The following FXYD5 variants were observed in gnomAD, a reference collection of about 807,000 sequenced individuals.
FXYD5 encodes the protein FXYD domain-containing ion transport regulator 5.
A neutral mutation model predicts 25.7 loss-of-function variants in FXYD5; 21 were observed. That is an observed-to-expected ratio of 0.82 (90% CI 0.58 to 1.18). The LOEUF is 1.18. FXYD5 is among the 50% of genes most tolerant of loss of function. FXYD5 has a pLI of 0.00. For missense variants in FXYD5, 229 were observed against 227.7 expected, an observed-to-expected ratio of 1.01 and a Z score of -0.04; for synonymous variants, 101 against 90.7, an observed-to-expected ratio of 1.11 and a Z score of -0.64.
intron 4 of FXYD5, among the ~76,000 whole-genome samples, chr19:35,158,714 AC>A (rs2065379371): frequency 6.6e-6 from 1 of 151,736 alleles, no homozygotes; most frequent in Non-Finnish European, 1.5e-5. Flanking sequence ...CTTTGCAAAC[AC>A]CCCCAGAAAG....
Position 35,166,286 on chromosome 19 carries a change from G to T in FXYD5, c.448G>T (p.Ala150Ser). ...CCTCCGGAAACGGGGGCTGTTGGTC[G>T]CAGCTGTGCTGTTCATCACAGGCAT... is the stretch of plus-strand genomic sequence containing the variant. ...HTLRKRGLLV[A>S]AVLFITGIII... Residue 150 changes from alanine (A) to serine (S), a missense_variant, in exon 8 of 9, where the codon GCA (alanine) becomes TCA (serine). By Grantham distance (99) the Ala-to-Ser change is moderately conservative. Coordinates refer to ENST00000392219, the MANE Select transcript of FXYD5 (RefSeq NM_014164.6). The T allele has an allele frequency of 6.2e-7, 1 of 1,605,856 alleles. No homozygotes were observed. The highest frequency in any genetic ancestry group is 1.3e-5 in the African/African-American group (1 of 74,898).
At chr19:35,164,341 G>C in intron 6 of FXYD5, 96 bp downstream of exon 6, 2 of 1,237,370 alleles carry the variant, frequency 1.6e-6, no homozygotes, top group Non-Finnish European at 2.2e-6. Flanking sequence ...ATAGTTCTCA[G>C]TAAAGACGTG....
Position 35,166,386 on chromosome 19 carries a change from G to A in FXYD5, c.487+61G>A. On this transcript the variant is annotated intron_variant, in intron 8 of 8. Transcript: ENST00000392219. ...CCAGGAGGGGGACTTATGACGGAGG[G>A]CTGGGTTCTCAAAGGTCCCTGGGCA... The A allele has an allele frequency of 2.7e-6, 3 of 1,128,718 alleles. No homozygotes were observed. The South Asian group carries it at 4.4e-5, about 17-fold the overall frequency. 69.9% of individuals were successfully genotyped at this position (1,128,718 alleles called of 1,614,324 possible).
chr19:35,161,981 T>G lies in FXYD5; in HGVS notation c.292+1180T>G, dbSNP rs114285983. Among the ~76,000 whole-genome samples, 813 of 152,286 alleles carry G rather than the reference T, an allele frequency of 5.3e-3. 4 individuals carry two copies. Among genetic ancestry groups the G allele is most frequent in the African/African-American group, 0.018 (728 of 41,536 alleles). The stretch of plus-strand genomic sequence containing the variant: ...TCTATCTATTAAAACAATCCTACAA[T>G]GGATGGAAATAAAGTGCTTTACAGA... On this transcript the variant is annotated intron_variant, in intron 5 of 8. Transcript: ENST00000392219.
At position 35,155,635 on chromosome 19, in the gene FXYD5, C is replaced by A. The variant is rs539611056; in HGVS notation, c.61+24C>A. On this transcript the variant is annotated intron_variant, in intron 2 of 8. Coordinates refer to ENST00000392219, the MANE Select transcript of FXYD5 (RefSeq NM_014164.6). ...AGGTAAGACCCATCTCTGGCCTCCA[C>A]CCTGCCCCAGAGCCCCCAGCCAGGC... 1.0e-5 allele frequency: 16 copies of A among 1,572,746 alleles called. No individual in the cohort carries two copies. In the Admixed American group the frequency reaches 1.8e-4, roughly 18 times the overall value.
At chr19:35,164,305 G>T in intron 6 of FXYD5, 60 bp downstream of exon 6, 1 of 1,516,358 alleles carries the variant, frequency 6.6e-7, no homozygotes, top group Non-Finnish European at 9.0e-7. Flanking sequence ...TGTATTTCCA[G>T]CACCTGGAGT....
At chr19:35,156,583 A>AT (rs1257367850) in intron 2 of FXYD5, among the ~76,000 whole-genome samples, 1 of 152,156 alleles carries the variant, frequency 6.6e-6, no homozygotes, top group African/African-American at 2.4e-5. Context: ...AAATGAGGGA[A>AT]TGAGCTTTGC....
intron 5 of FXYD5, among the ~76,000 whole-genome samples, chr19:35,161,243 CACACAA>C (rs1171845639): frequency 1.4e-5 from 2 of 142,736 alleles, no homozygotes; most frequent in African/African-American, 2.7e-5. Flanking sequence ...CACACACACA[CACACAA>C]AAGAATGATT....
Position 35,158,326 on chromosome 19 carries a change from C to A in FXYD5, c.143-18C>A. ...CTCTCTCCTTTTCTCTCCGTGACTC[C>A]TTGTTTCTGGACTCCAGATGCAGTC... On this transcript the variant is annotated intron_variant, in intron 3 of 8. Coordinates refer to ENST00000392219, the MANE Select transcript of FXYD5 (RefSeq NM_014164.6). The A allele has an allele frequency of 6.3e-7, 1 of 1,580,310 alleles. No homozygotes were observed. Among genetic ancestry groups the A allele is most frequent in the Non-Finnish European group, 8.7e-7 (1 of 1,149,338 alleles).
rs748426841 is a variant in FXYD5, at chr19:35,164,019, G to C, written c.293-137G>C. ...CTTATTGCCTCTAGGTGTGGAGTAG[G>C]GGGGATGCCTGACCCTGCACACCAG... On this transcript the variant is annotated intron_variant, in intron 5 of 8. Coordinates refer to ENST00000392219, the MANE Select transcript of FXYD5 (RefSeq NM_014164.6). The C allele has an allele frequency of 3.3e-6, 5 of 1,532,594 alleles. No individual in the cohort carries two copies. The African/African-American group carries it at 5.5e-5, about 17-fold the overall frequency. The allele number at this position is 1,532,594 out of a possible 1,614,324, so 94.9% of individuals were successfully genotyped here. A position where few individuals can be genotyped will look rare whatever the true frequency, so the allele number is the denominator to read the frequency against.
At chr19:35,161,677 G>C (rs1360076579) in intron 5 of FXYD5, among the ~76,000 whole-genome samples, 4 of 152,208 alleles carry the variant, frequency 2.6e-5, no homozygotes, top group Non-Finnish European at 5.9e-5. Context: ...TTTTCCTTTG[G>C]ACAAGTGAGT....
intron 2 of FXYD5, 84 bp downstream of exon 2, chr19:35,155,695 C>G (rs1434346520): frequency 2.0e-6 from 2 of 1,010,554 alleles, no homozygotes; most frequent in African/African-American, 3.1e-5. Flanking sequence ...GGTGGTTGGC[C>G]CGTGTGAACG....
Position 35,166,067 on chromosome 19 carries a change from C to T in FXYD5, c.383-75C>T, listed in dbSNP as rs1190781671. Reference sequence around the variant, plus strand: ...TAAGGGTACCCAGGTATCCCCCTTTCCTGACTTTGCCATTCACGTATTCAC... The same window carrying T: ...TAAGGGTACCCAGGTATCCCCCTTTTCTGACTTTGCCATTCACGTATTCAC... On this transcript the variant is annotated intron_variant, in intron 6 of 8. Transcript: ENST00000392219. 5 of 1,419,978 alleles carry T rather than the reference C, an allele frequency of 3.5e-6. No homozygotes were observed. In the East Asian group the frequency reaches 1.1e-4, roughly 32 times the overall value. 88.0% of individuals were successfully genotyped at this position (1,419,978 alleles called of 1,614,324 possible).
chr19:35,157,072 A>G (rs1568410686), intron 2 of FXYD5: 1 of 223,432 alleles, frequency 4.5e-6, no homozygotes, highest in South Asian at 6.2e-5. Flanking sequence ...TTTGCAGATG[A>G]AGCAACTGAG....
At chr19:35,160,639 C>A in intron 4 of FXYD5, 70 bp from the exon 5 acceptor site, 1 of 1,071,186 alleles carries the variant, frequency 9.3e-7, no homozygotes, top group Non-Finnish European at 1.5e-6. Flanking sequence ...AGCCACCGCG[C>A]CCGGCCCCAA....
intron 5 of FXYD5, among the ~76,000 whole-genome samples, chr19:35,163,212 G>A (rs1568414246): frequency 6.6e-6 from 1 of 152,290 alleles, no homozygotes; most frequent in East Asian, 1.9e-4. Flanking sequence ...CTTCCTCTGG[G>A]CAATGCATTC....
At position 35,157,492 on chromosome 19, in the gene FXYD5, C is replaced by G. The variant is rs761529729; in HGVS notation, c.133C>G (p.Arg45Gly). Reference sequence around the variant, plus strand: ...TATCATGGACATTCAGGTCCCGACACGAGCCCCAGGTGAGGAAAGGGACAC... The same window carrying G: ...TATCATGGACATTCAGGTCCCGACAGGAGCCCCAGGTGAGGAAAGGGACAC... ...STIMDIQVPT[R>G]APDAVYTELQ... The change falls in exon 3 of 9, where the codon CGA becomes GGA. Residue 45 changes from arginine (R) to glycine (G), a missense_variant. Coordinates refer to ENST00000392219, the MANE Select transcript of FXYD5 (RefSeq NM_014164.6). The G allele has an allele frequency of 6.5e-7, 1 of 1,538,016 alleles. No homozygotes were observed. The highest frequency in any genetic ancestry group is 1.1e-5 in the South Asian group (1 of 89,430).
chr19:35,155,660 C>A, intron 2 of FXYD5, 49 bp downstream of exon 2: 2 of 1,375,336 alleles, frequency 1.5e-6, no homozygotes, highest in Non-Finnish European at 2.1e-6. Context: ...CCCAGCCAGG[C>A]CAGCCCCACG....
chr19:35,157,665 T>C (rs1254600317), intron 3 of FXYD5, 164 bp downstream of exon 3: 12 of 521,680 alleles, frequency 2.3e-5, no homozygotes, highest in Non-Finnish European at 3.8e-5. Context: ...AATGATGCTA[T>C]CAGAACCTCT....
Sources: gnomAD v4.1 joint callset for allele counts (sites outside exome capture counted in the v4.1 genomes callset) on GRCh38, gnomAD v4.1.1 for gene constraint, MANE v1.5 for transcripts, NCBI Gene and HGNC (gene_info 2026-07-23, HGNC 2026-07-21) for gene names.